Variants in EPB41L2 observed in about 807,000 individuals in gnomAD.
EPB41L2 encodes band 4.1-like protein 2.
EPB41L2 carries 43 observed loss-of-function variants against 113.0 expected under a neutral mutation model. The observed-to-expected ratio is 0.38, with a 90% CI of 0.30 to 0.49. The LOEUF is 0.49. Among genes scored for constraint, EPB41L2 ranks in the 20% least tolerant of loss-of-function variants. EPB41L2 has a pLI of 0.95. For missense variants in EPB41L2, 1,147 were observed against 1,223.4 expected, an observed-to-expected ratio of 0.94 and a Z score of 0.93; for synonymous variants, 442 against 436.7, an observed-to-expected ratio of 1.01 and a Z score of -0.15.
chr6:130,864,073 C>T (rs1562325707), intron 17 of EPB41L2, among the ~76,000 whole-genome samples: 1 of 152,024 alleles, frequency 6.6e-6, no homozygotes, highest in Non-Finnish European at 1.5e-5. Context: ...TTATAGTTTC[C>T]CGAGTTTCTT....
At chr6:130,967,367 G>T (rs1416070673) in intron 1 of EPB41L2, among the ~76,000 whole-genome samples, 1 of 152,148 alleles carries the variant, frequency 6.6e-6, no homozygotes, top group African/African-American at 2.4e-5. Context: ...GTCAATTACA[G>T]TTCCTGAGAA....
Position 131,023,285 on chromosome 6 carries a change from G to A in EPB41L2, c.-15+39870C>T, listed in dbSNP as rs181738351. On this transcript the variant is annotated intron_variant, in intron 1 of 19. Transcript: ENST00000337057. ...TATAAAGACTTCTTAGGATGTCAAC[G>A]GCCTAATTTATTTCCTATTATTTCT... Among the ~76,000 whole-genome samples, 266 of 152,074 alleles carry A rather than the reference G, an allele frequency of 1.7e-3. 1 individual carries two copies. The highest frequency in any genetic ancestry group is 2.8e-3 in the Non-Finnish European group (188 of 67,996).
chr6:130,846,987 G>T (rs1777244138), intron 19 of EPB41L2, among the ~76,000 whole-genome samples: 1 of 152,076 alleles, frequency 6.6e-6, no homozygotes, highest in Non-Finnish European at 1.5e-5. Context: ...TCTTTACAGG[G>T]TACTTCATCT....
chr6:130,965,715 T>G (rs1463494281), intron 1 of EPB41L2, among the ~76,000 whole-genome samples: 1 of 150,110 alleles, frequency 6.7e-6, no homozygotes, highest in Non-Finnish European at 1.5e-5. Context: ...CTTGTCACAC[T>G]CTTAGTAAAA....
chr6:130,849,609 A>G (rs771030489), intron 19 of EPB41L2, among the ~76,000 whole-genome samples: 1 of 152,216 alleles, frequency 6.6e-6, no homozygotes, highest in Admixed American at 6.5e-5. Context: ...AGAGAAAAAA[A>G]TAGACACCTG....
intron 1 of EPB41L2, among the ~76,000 whole-genome samples, chr6:130,960,630 C>T (rs893435700): frequency 6.6e-6 from 1 of 152,202 alleles, no homozygotes; most frequent in Admixed American, 6.5e-5. Flanking sequence ...TGGATCATTA[C>T]TCAACATATT....
intron 3 of EPB41L2, among the ~76,000 whole-genome samples, chr6:130,948,782 A>T (rs564343995): frequency 6.6e-6 from 1 of 152,280 alleles, no homozygotes; most frequent in East Asian, 1.9e-4. Context: ...CAAATAAAAT[A>T]AATTTCAAGG....
chr6:130,897,950 A>G (rs1414516940), intron 8 of EPB41L2, among the ~76,000 whole-genome samples: 4 of 152,128 alleles, frequency 2.6e-5, no homozygotes, highest in Non-Finnish European at 5.9e-5. Flanking sequence ...AAGGGCATAC[A>G]GCATCTAGTG....
At chr6:130,853,451 C>T (rs1239595747) in intron 19 of EPB41L2, among the ~76,000 whole-genome samples, 1 of 152,236 alleles carries the variant, frequency 6.6e-6, no homozygotes, top group African/African-American at 2.4e-5. Flanking sequence ...CAATATTTTT[C>T]ATCCATGTGA....
intron 19 of EPB41L2, among the ~76,000 whole-genome samples, chr6:130,851,113 G>A (rs938140796): frequency 1.3e-5 from 2 of 152,116 alleles, no homozygotes; most frequent in African/African-American, 4.8e-5. Context: ...AAATAAAAAT[G>A]CAACACACCT....
intron 1 of EPB41L2, among the ~76,000 whole-genome samples, chr6:131,062,794 G>A (rs1252126336): frequency 1.3e-5 from 2 of 151,896 alleles, no homozygotes; most frequent in Admixed American, 6.5e-5. Context: ...TCCTCCCCGT[G>A]CCCCCGCCTT....
intron 1 of EPB41L2, among the ~76,000 whole-genome samples, chr6:131,001,875 G>A (rs912076234): frequency 2.6e-5 from 4 of 152,098 alleles, no homozygotes; most frequent in African/African-American, 4.8e-5. Context: ...AAAGAAAGCC[G>A]AGAAATGCAC....
rs890097986 is a variant in EPB41L2 at position 131,057,278 on chromosome 6, G to A, written c.-15+5877C>T. On this transcript the variant is annotated intron_variant, in intron 1 of 19. Transcript: ENST00000337057. ...CACACACACAGGAGTGCATGCACAT[G>A]GGAACACAATACCTCACTTACAGTC... 3.9e-5 allele frequency among the ~76,000 whole-genome samples: 6 copies of A among 152,184 alleles called. No individual in the cohort carries two copies. The East Asian group carries it at 9.7e-4, about 25-fold the overall frequency.
Position 130,867,510 on chromosome 6 carries a change from T to C in EPB41L2, c.2679A>G (p.Glu893=). The C allele has an allele frequency of 6.2e-7, 1 of 1,614,044 alleles. No homozygotes were observed. Among genetic ancestry groups the C allele is most frequent in the Non-Finnish European group, 8.5e-7 (1 of 1,179,930 alleles). The part of the protein sequence containing the change: ...ASQRTEISTK[E]VPIVQTETKT... ...TGGTCTCAGTTTGGACAATGGGGAC[T>C]TCCTTGGTGGAGATTTCTGTCCTTT... The change falls in exon 16 of 20, where the codon GAA becomes GAG. Residue 893 remains glutamate, a synonymous_variant. Coordinates refer to ENST00000337057, the MANE Select transcript of EPB41L2 (RefSeq NM_001431.4).
intron 3 of EPB41L2, among the ~76,000 whole-genome samples, chr6:130,948,460 C>A (rs957778154): frequency 1.3e-5 from 2 of 151,894 alleles, no homozygotes; most frequent in East Asian, 3.9e-4. Context: ...TTTATTAACT[C>A]AAGTGTGTCT....
intron 1 of EPB41L2, among the ~76,000 whole-genome samples, chr6:131,039,298 TG>T (rs1419837035): frequency 3.3e-5 from 5 of 152,184 alleles, no homozygotes; most frequent in Admixed American, 6.5e-5. Context: ...GTAAAATACG[TG>T]GGAACTCCTA....
At chr6:130,937,589 A>G (rs1166473513) in intron 3 of EPB41L2, among the ~76,000 whole-genome samples, 1 of 152,200 alleles carries the variant, frequency 6.6e-6, no homozygotes, top group Non-Finnish European at 1.5e-5. Flanking sequence ...GGGAGGCCGA[A>G]GCAGGTGGAC....
At chr6:131,046,125 T>G (rs1795420146) in intron 1 of EPB41L2, among the ~76,000 whole-genome samples, 1 of 149,956 alleles carries the variant, frequency 6.7e-6, no homozygotes, top group African/African-American at 2.5e-5. Flanking sequence ...TTCACTATGT[T>G]GCCCAGGCCA....
At chr6:130,964,903 G>A (rs995245978) in intron 1 of EPB41L2, among the ~76,000 whole-genome samples, 5 of 152,138 alleles carry the variant, frequency 3.3e-5, no homozygotes, top group Non-Finnish European at 5.9e-5. Flanking sequence ...AACCCAGGCC[G>A]TCCAGCTCTA....
Sources: gnomAD v4.1 joint callset for allele counts (sites outside exome capture counted in the v4.1 genomes callset) on GRCh38, gnomAD v4.1.1 for gene constraint, MANE v1.5 for transcripts, NCBI Gene and HGNC (gene_info 2026-07-23, HGNC 2026-07-21) for gene names.